Variants in LRRC37A2 observed in about 807,000 individuals in gnomAD.
The protein encoded by LRRC37A2 is leucine-rich repeat-containing protein 37A2.
A neutral mutation model predicts 68.8 loss-of-function variants in LRRC37A2; 9 were observed. That is an observed-to-expected ratio of 0.13 (90% CI 0.08 to 0.23). The LOEUF is 0.23. Among genes scored for constraint, LRRC37A2 ranks in the 10% least tolerant of loss-of-function variants. The pLI is 1.00. For missense variants in LRRC37A2, 168 were observed against 950.4 expected (o/e 0.18, Z 10.82); for synonymous variants, 63 against 367.6 (o/e 0.17, Z 9.48).
chr17:46,954,343 A>T, the LRRC37A2 span, among the ~76,000 whole-genome samples: 1 of 152,188 alleles, frequency 6.6e-6, no homozygotes, highest in East Asian at 1.9e-4. Context: ...ATCAGATAGT[A>T]GTAGATAAGC....
At chr17:46,840,731 T>C in the LRRC37A2 span, among the ~76,000 whole-genome samples, 1 of 151,856 alleles carries the variant, frequency 6.6e-6, no homozygotes. Context: ...GTGGTTTTGA[T>C]TTGCATTTCT....
the LRRC37A2 span, among the ~76,000 whole-genome samples, chr17:46,901,893 A>G: frequency 4.1e-5 from 6 of 145,938 alleles, no homozygotes; most frequent in Non-Finnish European, 6.0e-5. Context: ...TGCAACCTCC[A>G]TCTCCCAGGT....
the LRRC37A2 span, among the ~76,000 whole-genome samples, chr17:47,037,562 T>G: frequency 6.6e-6 from 1 of 152,226 alleles, no homozygotes; most frequent in African/African-American, 2.4e-5. Flanking sequence ...TCTACATTCA[T>G]AAGAAATACT....
the LRRC37A2 span, among the ~76,000 whole-genome samples, chr17:46,724,826 TTTC>T: frequency 7.2e-5 from 11 of 152,276 alleles, no homozygotes; most frequent in African/African-American, 2.6e-4. Context: ...TAGGCCTTTT[TTTC>T]TTCTTCTTCT....
the LRRC37A2 span, among the ~76,000 whole-genome samples, chr17:46,840,000 C>CTTTCT: frequency 8.0e-5 from 10 of 125,190 alleles, no homozygotes; most frequent in African/African-American, 3.3e-4. Context: ...TTTTTTCTTT[C>CTTTCT]TTCTTTCTTT....
the LRRC37A2 span, among the ~76,000 whole-genome samples, chr17:46,981,214 A>G: frequency 6.6e-6 from 1 of 152,226 alleles, no homozygotes; most frequent in African/African-American, 2.4e-5. Context: ...GGATGCCCCA[A>G]CACACAGGCA....
chr17:46,808,641 A>G, the LRRC37A2 span, among the ~76,000 whole-genome samples: 2 of 152,202 alleles, frequency 1.3e-5, no homozygotes, highest in Admixed American at 6.5e-5. Flanking sequence ...CACATAGCAC[A>G]TGGTCAACAA....
chr17:46,831,032 G>A, the LRRC37A2 span: 15 of 333,308 alleles, frequency 4.5e-5, no homozygotes, highest in East Asian at 6.0e-4. Flanking sequence ...TTCAGTTGAC[G>A]TTATTAAGAA....
the LRRC37A2 span, among the ~76,000 whole-genome samples, chr17:46,716,994 G>A: frequency 6.9e-4 from 105 of 152,000 alleles, no homozygotes; most frequent in Non-Finnish European, 1.5e-3. Flanking sequence ...TTGTTTCCAG[G>A]TTTTTTTCAC....
chr17:46,855,418 G>T, the LRRC37A2 span, among the ~76,000 whole-genome samples: 1 of 152,202 alleles, frequency 6.6e-6, no homozygotes, highest in African/African-American at 2.4e-5. Context: ...CGGACCAGAG[G>T]TGAGGGTCCA....
At chr17:46,848,214 G>T in the LRRC37A2 span, among the ~76,000 whole-genome samples, 1 of 152,182 alleles carries the variant, frequency 6.6e-6, no homozygotes. Flanking sequence ...CAAATGCCTG[G>T]ACTTGGGCTG....
chr17:46,978,785 C>G, the LRRC37A2 span: 6 of 1,612,250 alleles, frequency 3.7e-6, no homozygotes, highest in Non-Finnish European at 5.1e-6. Context: ...AGCGACAGCA[C>G]GCAGAGCACG....
chr17:46,534,733 G>A (rs1357702138), intron 6 of LRRC37A2, among the ~76,000 whole-genome samples: 3 of 149,958 alleles, frequency 2.0e-5, no homozygotes, highest in South Asian at 4.2e-4. Flanking sequence ...ACGGGGTGGC[G>A]GCCGGGCAGA....
chr17:46,884,795 G>C, the LRRC37A2 span, among the ~76,000 whole-genome samples: 1 of 152,334 alleles, frequency 6.6e-6, no homozygotes, highest in East Asian at 1.9e-4. Flanking sequence ...TTCAGACCCA[G>C]TGAAGGCGAC....
At chr17:46,845,556 C>A in the LRRC37A2 span, among the ~76,000 whole-genome samples, 1 of 142,916 alleles carries the variant, frequency 7.0e-6, no homozygotes, top group African/African-American at 2.6e-5. Flanking sequence ...GTGGCACAAT[C>A]TCGGCTCACT....
the LRRC37A2 span, among the ~76,000 whole-genome samples, chr17:46,754,722 G>A: frequency 6.6e-6 from 1 of 152,128 alleles, no homozygotes; most frequent in Admixed American, 6.5e-5. Flanking sequence ...TGACACATTC[G>A]CAGTCACAGG....
chr17:46,879,698 A>C, the LRRC37A2 span, among the ~76,000 whole-genome samples: 1 of 152,240 alleles, frequency 6.6e-6, no homozygotes, highest in Non-Finnish European at 1.5e-5. Flanking sequence ...TCCATAGACC[A>C]GGCACTACGG....
At chr17:46,812,336 A>G in the LRRC37A2 span, among the ~76,000 whole-genome samples, 3 of 150,314 alleles carry the variant, frequency 2.0e-5, no homozygotes, top group African/African-American at 7.4e-5. Context: ...CCACCCCCCT[A>G]CCCCCGCCCC....
the LRRC37A2 span, among the ~76,000 whole-genome samples, chr17:46,960,328 AACAC>A: frequency 6.6e-6 from 1 of 152,200 alleles, no homozygotes; most frequent in African/African-American, 2.4e-5. Flanking sequence ...CATACAAACA[AACAC>A]AACACAAAAT....
Sources: gnomAD v4.1 joint callset for allele counts (sites outside exome capture counted in the v4.1 genomes callset) on GRCh38, gnomAD v4.1.1 for gene constraint, MANE v1.5 for transcripts, NCBI Gene and HGNC (gene_info 2026-07-23, HGNC 2026-07-21) for gene names.